Variants in ABHD2 observed in about 807,000 individuals in gnomAD.
ABHD2 encodes the protein monoacylglycerol lipase ABHD2.
In ABHD2, 20 loss-of-function variants were observed where a neutral mutation model predicts 48.1. The ratio of observed to expected loss-of-function variants is 0.42; its 90% CI spans 0.29 to 0.60. The LOEUF (loss-of-function observed/expected upper bound fraction) is 0.60, where lower values mean the gene tolerates loss of function less well. Among genes scored for constraint, ABHD2 ranks in the 20% least tolerant of loss-of-function variants. The pLI is 0.24. For missense variants in ABHD2, 405 were observed against 550.9 expected, an observed-to-expected ratio of 0.74 and a Z score of 2.65; for synonymous variants, 209 against 214.2, an observed-to-expected ratio of 0.98 and a Z score of 0.21.
chr15:89,192,474 A>G (rs2051323240), intron 9 of ABHD2, among the ~76,000 whole-genome samples: 1 of 151,060 alleles, frequency 6.6e-6, no homozygotes, highest in African/African-American at 2.4e-5. Context: ...CCACCAGCCT[A>G]TTCCTGTTTT....
At chr15:89,090,489 C>G (rs1031649432) in intron 1 of ABHD2, 1 of 151,726 alleles carries the variant, frequency 6.6e-6, no homozygotes, top group South Asian at 2.1e-4. Flanking sequence ...CCCTTCCCCC[C>G]ACCCCCAAAT....
At chr15:89,158,057 G>A (rs1181654647) in intron 5 of ABHD2, among the ~76,000 whole-genome samples, 1 of 152,024 alleles carries the variant, frequency 6.6e-6, no homozygotes, top group African/African-American at 2.4e-5. Context: ...GGCATGGCTT[G>A]GCTGCAGGGC....
the ABHD2 span, among the ~76,000 whole-genome samples, chr15:89,046,224 G>A: frequency 1.3e-5 from 2 of 152,216 alleles, no homozygotes; most frequent in Non-Finnish European, 2.9e-5. Context: ...TATTGAACCA[G>A]CCTTGCATCC....
intron 4 of ABHD2, among the ~76,000 whole-genome samples, chr15:89,152,484 C>T (rs189120678): frequency 6.6e-6 from 1 of 152,306 alleles, no homozygotes; most frequent in East Asian, 1.9e-4. Context: ...GGGTTGATGA[C>T]AGCAACAGAG....
chr15:89,135,684 G>T, intron 3 of ABHD2: 1 of 1,500,882 alleles, frequency 6.7e-7, no homozygotes, highest in Non-Finnish European at 9.2e-7. Flanking sequence ...CCTTTAGCCC[G>T]ATATGCAGCA....
Position 89,185,593 on chromosome 15 carries a change from A to G in ABHD2, c.815+77A>G. 1 of 1,316,634 alleles carries G rather than the reference A, an allele frequency of 7.6e-7. No individual in the cohort carries two copies. The allele number at this position is 1,316,634 out of a possible 1,614,324, so 81.6% of individuals were successfully genotyped here. A position where few individuals can be genotyped will look rare whatever the true frequency, so the allele number is the denominator to read the frequency against. ...CATCTGGGAACCGTGAAAAGCCAGGACTCCTGTTCCTTCAGGGGAAAAAAA... is the reference window on the plus strand; with the variant it reads ...CATCTGGGAACCGTGAAAAGCCAGGGCTCCTGTTCCTTCAGGGGAAAAAAA... On this transcript the variant is annotated intron_variant, in intron 7 of 10. Transcript: ENST00000352732. This position sits in a 1 kb window ranked among gnomAD's most constrained non-coding sequence, Gnocchi z 5.9.
intron 3 of ABHD2, among the ~76,000 whole-genome samples, chr15:89,125,213 G>A (rs1460938745): frequency 3.3e-5 from 5 of 151,384 alleles, no homozygotes; most frequent in East Asian, 3.9e-4. Context: ...CCGACATTGC[G>A]CCACTGCACT....
At chr15:89,112,582 C>A (rs192709070) in intron 1 of ABHD2, among the ~76,000 whole-genome samples, 101 of 152,318 alleles carry the variant, frequency 6.6e-4, no homozygotes, top group Non-Finnish European at 1.2e-3. Flanking sequence ...TTAATTGATT[C>A]TTTCCTTCAA....
intron 5 of ABHD2, among the ~76,000 whole-genome samples, chr15:89,160,302 C>T (rs1279829891): frequency 2.0e-5 from 3 of 152,148 alleles, no homozygotes; most frequent in Non-Finnish European, 4.4e-5. Context: ...ATCATATCCT[C>T]ATGTAAGTGT....
At chr15:89,192,555 G>T (rs957798537) in intron 9 of ABHD2, among the ~76,000 whole-genome samples, 2 of 151,034 alleles carry the variant, frequency 1.3e-5, no homozygotes, top group Admixed American at 1.3e-4. Context: ...TGTTTCCCAG[G>T]CTAGAGTGCG....
chr15:89,064,974 G>C, the ABHD2 span, among the ~76,000 whole-genome samples: 1 of 152,018 alleles, frequency 6.6e-6, no homozygotes, highest in Non-Finnish European at 1.5e-5. Flanking sequence ...TCACTATTCT[G>C]ATTTTTGTGT....
the ABHD2 span, among the ~76,000 whole-genome samples, chr15:89,065,196 C>T: frequency 6.6e-6 from 1 of 152,102 alleles, no homozygotes; most frequent in Admixed American, 6.5e-5. Context: ...GATTCTCCAC[C>T]TCCTCCTTCA....
At position 89,092,306 on chromosome 15, in the gene ABHD2, A is replaced by G. The variant is rs1901628654; in HGVS notation, c.-107+3743A>G. 6.6e-6 allele frequency among the ~76,000 whole-genome samples: 1 copy of G among 152,096 alleles called. No homozygotes were observed. The highest frequency in any genetic ancestry group is 2.1e-4 in the South Asian group (1 of 4,832). ...AGAAGTGGAACGTTGGTACCCTTGG[A>G]TTTGCCTGGTTTCTGATTTTCTTTT... On this transcript the variant is annotated intron_variant, in intron 1 of 10. Coordinates refer to ENST00000352732, the MANE Select transcript of ABHD2 (RefSeq NM_152924.5). The surrounding 1 kb of genome is among the most constrained non-coding windows in gnomAD (Gnocchi z 4.4).
chr15:89,187,559 A>G (rs1233175995), intron 7 of ABHD2, among the ~76,000 whole-genome samples: 1 of 152,134 alleles, frequency 6.6e-6, no homozygotes, highest in Non-Finnish European at 1.5e-5. Flanking sequence ...GAGGTCAAAA[A>G]TGCACGTTGT....
chr15:89,085,122 G>A (rs755745287), upstream of ABHD2, among the ~76,000 whole-genome samples: 1 of 152,160 alleles, frequency 6.6e-6, no homozygotes, highest in Non-Finnish European at 1.5e-5. The surrounding 1 kb of genome is among the most constrained non-coding windows in gnomAD (Gnocchi z 4.2). Flanking sequence ...TCTCAGGTTA[G>A]TAAATCCTGC....
intron 1 of ABHD2, among the ~76,000 whole-genome samples, chr15:89,093,048 C>T (rs536346796): frequency 2.2e-5 from 3 of 137,530 alleles, no homozygotes; most frequent in South Asian, 4.4e-4. Context: ...TCCTTGGGCC[C>T]TTCTTCGCCT....
At position 89,092,634 on chromosome 15, in the gene ABHD2, C is replaced by G. The variant is rs1358936152; in HGVS notation, c.-107+4071C>G. On this transcript the variant is annotated intron_variant, in intron 1 of 10. Transcript: ENST00000352732. The surrounding 1 kb of genome is among the most constrained non-coding windows in gnomAD (Gnocchi z 4.4). ...CAACCAGTATTAGCGATTTCTTCAT[C>G]CTCCAGAAGTGGTCCCTGAACTTCC... 6.6e-6 allele frequency among the ~76,000 whole-genome samples: 1 copy of G among 152,236 alleles called. No homozygotes were observed. Among genetic ancestry groups the G allele is most frequent in the Non-Finnish European group, 1.5e-5 (1 of 68,044 alleles).
the ABHD2 span, among the ~76,000 whole-genome samples, chr15:89,068,788 A>C: frequency 3.2e-5 from 1 of 30,850 alleles, no homozygotes; most frequent in Non-Finnish European, 5.6e-5. Context: ...TTTTTTGTCA[A>C]GAGGGAGTCT....
chr15:89,118,418 A>C (rs969139099), intron 3 of ABHD2, among the ~76,000 whole-genome samples: 1 of 152,082 alleles, frequency 6.6e-6, no homozygotes, highest in Non-Finnish European at 1.5e-5. Context: ...ACCTCAGGTA[A>C]TCTGCCAGCC....
Sources: allele counts gnomAD v4.1 joint callset (sites outside exome capture counted in the v4.1 genomes callset), GRCh38; gene constraint gnomAD v4.1.1; non-coding constraint Gnocchi (gnomAD v3.1); transcripts MANE v1.5; gene names NCBI Gene and HGNC (gene_info 2026-07-23, HGNC 2026-07-21).